VTI1A: variants seen among roughly 807,000 people sequenced by gnomAD.
VTI1A encodes the protein vesicle transport through interaction with t-SNAREs homolog 1A.
VTI1A carries 22 observed loss-of-function variants against 34.9 expected under a neutral mutation model. That is an observed-to-expected ratio of 0.63 (90% confidence interval 0.45 to 0.90). The LOEUF (loss-of-function observed/expected upper bound fraction) is 0.90, where lower values mean the gene tolerates loss of function less well. VTI1A is among the 40% of genes least tolerant of loss of function. The pLI, the probability that VTI1A is intolerant of heterozygous loss-of-function variation, is 0.00. For missense variants in VTI1A, 268 were observed against 275.6 expected (o/e 0.97, Z 0.20); for synonymous variants, 87 against 97.3 (o/e 0.89, Z 0.62).
At position 112,668,923 on chromosome 10, in the gene VTI1A, G is replaced by A. The variant is rs758292635; in HGVS notation, c.499-14G>A. The A allele has an allele frequency of 1.3e-5, 21 of 1,611,554 alleles. No homozygotes were observed. The East Asian group carries it at 4.0e-4, about 31-fold the overall frequency. On this transcript the variant is annotated splice_polypyrimidine_tract_variant and intron_variant, in intron 6 of 7. Transcript: ENST00000393077. The stretch of plus-strand genomic sequence containing the variant: ...ATTGCATGAACTTCTGTTTTGTTTT[G>A]TTTCTTCTTGTAGCTTCGGGAAACA...
At chr10:112,596,370 A>C (rs1436217348) in intron 5 of VTI1A, among the ~76,000 whole-genome samples, 1 of 152,134 alleles carries the variant, frequency 6.6e-6, no homozygotes, top group Non-Finnish European at 1.5e-5. Flanking sequence ...TATTTTACCA[A>C]ATATTCTGCT....
intron 5 of VTI1A, among the ~76,000 whole-genome samples, chr10:112,550,447 A>G (rs1364120966): frequency 6.6e-6 from 1 of 151,678 alleles, no homozygotes; most frequent in African/African-American, 2.4e-5. Flanking sequence ...TTGGACTAAG[A>G]CTTTGTGTAC....
downstream of VTI1A, among the ~76,000 whole-genome samples, chr10:112,822,333 G>A (rs1853669072): frequency 6.6e-6 from 1 of 152,228 alleles, no homozygotes; most frequent in Admixed American, 6.5e-5. Flanking sequence ...AATGGGCTCT[G>A]CAAAGGAGCA....
At chr10:112,792,403 C>A (rs186240072) in intron 7 of VTI1A, among the ~76,000 whole-genome samples, 119 of 152,282 alleles carry the variant, frequency 7.8e-4, no homozygotes, top group African/African-American at 2.8e-3. Flanking sequence ...GCAGAAAGTG[C>A]TCTGCCTGAG....
intron 5 of VTI1A, among the ~76,000 whole-genome samples, chr10:112,630,747 C>T (rs1329609763): frequency 6.6e-6 from 1 of 152,138 alleles, no homozygotes; most frequent in African/African-American, 2.4e-5. Context: ...TGCAATCAAG[C>T]CTCACAAAAT....
chr10:112,588,133 G>A (rs1844232618), intron 5 of VTI1A, among the ~76,000 whole-genome samples: 1 of 152,130 alleles, frequency 6.6e-6, no homozygotes, highest in Non-Finnish European at 1.5e-5. Flanking sequence ...AGCTTCAATT[G>A]TGTGTTCAGC....
chr10:112,722,381 G>A (rs1849843824), intron 7 of VTI1A, among the ~76,000 whole-genome samples: 3 of 151,870 alleles, frequency 2.0e-5, no homozygotes, highest in African/African-American at 7.3e-5. Flanking sequence ...GATGGGGGAG[G>A]GATAACATTA....
chr10:112,520,832 A>G (rs1225161035), intron 3 of VTI1A, among the ~76,000 whole-genome samples: 1 of 152,018 alleles, frequency 6.6e-6, no homozygotes, highest in Non-Finnish European at 1.5e-5. Flanking sequence ...TATAAGCAAA[A>G]ATAATAAATG....
chr10:112,530,636 G>T (rs534302578), intron 4 of VTI1A, among the ~76,000 whole-genome samples: 1 of 152,208 alleles, frequency 6.6e-6, no homozygotes, highest in South Asian at 2.1e-4. Flanking sequence ...TTCCAAATGT[G>T]GGGAAAGTTT....
intron 7 of VTI1A, among the ~76,000 whole-genome samples, chr10:112,773,567 A>C (rs961928436): frequency 6.6e-6 from 1 of 151,518 alleles, no homozygotes; most frequent in African/African-American, 2.4e-5. Context: ...ACACACCTCA[A>C]CTCGGCTAAG....
intron 4 of VTI1A, among the ~76,000 whole-genome samples, chr10:112,535,510 T>A (rs1850586401): frequency 6.6e-6 from 1 of 152,218 alleles, no homozygotes; most frequent in Non-Finnish European, 1.5e-5. Context: ...CTTCCTTGTG[T>A]TGCTCTTTCT....
At chr10:112,524,594 G>T (rs1363832706) in intron 3 of VTI1A, among the ~76,000 whole-genome samples, 1 of 152,102 alleles carries the variant, frequency 6.6e-6, no homozygotes, top group African/African-American at 2.4e-5. Flanking sequence ...TTAATTGCTG[G>T]TTTTTAAAAG....
chr10:112,668,789 T>A (rs779098091), intron 6 of VTI1A, 148 bp from the exon 7 acceptor site: 3 of 811,112 alleles, frequency 3.7e-6, no homozygotes, highest in Non-Finnish European at 5.6e-6. Flanking sequence ...TTTCCAAGTT[T>A]GTGTAGCTGT....
intron 7 of VTI1A, among the ~76,000 whole-genome samples, chr10:112,745,457 CTA>C (rs1179415855): frequency 6.6e-6 from 1 of 152,104 alleles, no homozygotes; most frequent in Non-Finnish European, 1.5e-5. Context: ...AGTGCTCTCA[CTA>C]TGTTCACATT....
At chr10:112,591,582 A>C (rs1320174993) in intron 5 of VTI1A, among the ~76,000 whole-genome samples, 4 of 152,134 alleles carry the variant, frequency 2.6e-5, no homozygotes, top group African/African-American at 9.7e-5. Context: ...TGTACTGTTT[A>C]ATTGTTTTAT....
intron 3 of VTI1A, among the ~76,000 whole-genome samples, chr10:112,503,588 A>T (rs192515468): frequency 7.2e-5 from 11 of 152,314 alleles, no homozygotes; most frequent in Admixed American, 6.5e-4. Flanking sequence ...TCTTCGTTAA[A>T]TAAATTTTCT....
chr10:112,521,348 G>C (rs1850022233), intron 3 of VTI1A, among the ~76,000 whole-genome samples: 1 of 151,950 alleles, frequency 6.6e-6, no homozygotes, highest in South Asian at 2.1e-4. Flanking sequence ...GATTTTTAAA[G>C]CCATTTTTGG....
intron 7 of VTI1A, among the ~76,000 whole-genome samples, chr10:112,721,875 A>G (rs1424020303): frequency 6.6e-6 from 1 of 152,168 alleles, no homozygotes; most frequent in Non-Finnish European, 1.5e-5. Flanking sequence ...TGTTCAAACT[A>G]GGGCTGACTG....
chr10:112,554,358 T>G (rs1398828430), intron 5 of VTI1A, among the ~76,000 whole-genome samples: 1 of 152,168 alleles, frequency 6.6e-6, no homozygotes, highest in Non-Finnish European at 1.5e-5. Context: ...AAAAAGGACA[T>G]TGTGCAAAAA....
Sources: gnomAD v4.1 joint callset for allele counts (sites outside exome capture counted in the v4.1 genomes callset) on GRCh38, gnomAD v4.1.1 for gene constraint, MANE v1.5 for transcripts, NCBI Gene and HGNC (gene_info 2026-07-23, HGNC 2026-07-21) for gene names.